Variants in PRKAA1 observed in about 807,000 individuals in gnomAD.
PRKAA1 encodes the protein protein kinase AMP-activated catalytic subunit alpha 1, also known as 5'-AMP-activated protein kinase catalytic subunit alpha-1.
Under a neutral mutation model 56.9 loss-of-function variants are expected in PRKAA1, and 23 were observed. The ratio of observed to expected loss-of-function variants is 0.40; its 90% CI spans 0.29 to 0.57. PRKAA1 has a LOEUF of 0.57. PRKAA1 is among the 20% of genes least tolerant of loss of function. PRKAA1 has a pLI of 0.39. For missense variants in PRKAA1, 413 were observed against 679.7 expected (o/e 0.61, Z 4.36); for synonymous variants, 226 against 227.0 (o/e 1.00, Z 0.04).
At chr5:40,768,644 A>G in intron 5 of PRKAA1, 1 of 1,155,336 alleles carries the variant, frequency 8.7e-7, no homozygotes. Context: ...ACAAGCTTAT[A>G]AAAATAGAAA....
At chr5:40,772,355 A>C (rs765824746) in intron 3 of PRKAA1, among the ~76,000 whole-genome samples, 2 of 152,190 alleles carry the variant, frequency 1.3e-5, no homozygotes, top group Non-Finnish European at 2.9e-5. Context: ...TACTGTTTTG[A>C]AGAAAAATAA....
At position 40,797,586 on chromosome 5, in the gene PRKAA1, C is replaced by G. The variant is rs1297160033; in HGVS notation, c.127+477G>C. On this transcript the variant is annotated intron_variant, in intron 1 of 8. Coordinates refer to ENST00000397128, the MANE Select transcript of PRKAA1 (RefSeq NM_006251.6). ...TTCGCACTCGGGAAACAGCAGGGGC[C>G]GGTAAATCGACAGCCTCCTACAGAG... Among the ~76,000 whole-genome samples the G allele has an allele frequency of 2.0e-5, 3 of 152,332 alleles. No homozygotes were observed. The South Asian group carries it at 6.2e-4, about 32-fold the overall frequency.
In PRKAA1 at chr5:40,777,509, C is replaced by T; in HGVS notation, c.205G>A (p.Val69Ile). 2 of 1,613,746 alleles carry T rather than the reference C, an allele frequency of 1.2e-6. No homozygotes were observed. Among genetic ancestry groups the T allele is most frequent in the East Asian group, 2.2e-5 (1 of 44,886 alleles). ...NRQKIRSLDVVGKIRREIQNL... is the reference protein window; with the variant it reads ...NRQKIRSLDVIGKIRREIQNL... ...TGAATTTCTCTGCGGATTTTTCCTA[C>T]CACATCAAGGCTCCGAATCTTCTGT... Residue 69 changes from valine to isoleucine, a missense_variant, in exon 2 of 9, where the codon GTA becomes ATA. Physicochemically the swap from Val to Ile is conservative, Grantham distance 29. Around this residue, in one of 9 missense-constraint regions of PRKAA1, gnomAD observed 16 missense variants for 30.9 expected, o/e 0.52. Coordinates refer to ENST00000397128, the MANE Select transcript of PRKAA1 (RefSeq NM_006251.6).
intron 6 of PRKAA1, among the ~76,000 whole-genome samples, chr5:40,767,169 C>G (rs576098801): frequency 1.4e-3 from 209 of 152,306 alleles, no homozygotes; most frequent in African/African-American, 4.9e-3. Context: ...CAGCACCAAT[C>G]TTTCATTAGC....
chr5:40,767,703 A>T lies in PRKAA1; in HGVS notation c.597-13T>A. 1 of 1,565,240 alleles carries T rather than the reference A, an allele frequency of 6.4e-7. No individual in the cohort carries two copies. On this transcript the variant is annotated splice_polypyrimidine_tract_variant and intron_variant, in intron 5 of 8. Transcript: ENST00000397128. ...GCCTGCATACAATCTGTAACAGGAA[A>T]TAACAATTGGATTAAAGAATCATTT...
Position 40,769,878 on chromosome 5 carries a change from TAAAAAAAAAA to T in PRKAA1, c.509-385_509-376del, listed in dbSNP as rs3071208. Among the ~76,000 whole-genome samples the T allele has an allele frequency of 8.5e-3, 939 of 109,920 alleles. 6 individuals are homozygous for T. The highest frequency in any genetic ancestry group is 0.029 in the African/African-American group (839 of 28,566). The allele number at this position is 109,920 out of a possible 152,430, so 72.1% of individuals were successfully genotyped here. A position where few individuals can be genotyped will look rare whatever the true frequency, so the allele number is the denominator to read the frequency against. ...TCCTATTAAGCCTGTTCTGATTCTTTAAAAAAAAAAAAAAAAAAAAAAACAGTAATTTTGA... is the reference window on the plus strand; with the variant it reads ...TCCTATTAAGCCTGTTCTGATTCTTTAAAAAAAAAAAAACAGTAATTTTGA... On this transcript the variant is annotated intron_variant, in intron 4 of 8. Coordinates refer to ENST00000397128, the MANE Select transcript of PRKAA1 (RefSeq NM_006251.6).
intron 5 of PRKAA1, chr5:40,768,401 CTTT>C: frequency 2.2e-6 from 2 of 912,900 alleles, no homozygotes; most frequent in Admixed American, 6.2e-5. Flanking sequence ...TATAACATTT[CTTT>C]TTATTTATTT....
intron 1 of PRKAA1, 145 bp from the exon 2 acceptor site, chr5:40,777,731 C>G (rs920567850): frequency 1.5e-6 from 1 of 681,542 alleles, no homozygotes; most frequent in East Asian, 3.2e-5. Flanking sequence ...GTCAGGAGTT[C>G]GAAACCAATC....
At position 40,759,489 on chromosome 5, in the gene PRKAA1, T is replaced by C. The variant is rs190901221; in HGVS notation, c.*3289A>G. The stretch of plus-strand genomic sequence containing the variant: ...TCAAAATATACATGAACCACAAATA[T>C]TAACTTCTACCTACCAACAATTTAC... On this transcript the variant is annotated 3_prime_UTR_variant, in exon 9 of 9. Coordinates refer to ENST00000397128, the MANE Select transcript of PRKAA1 (RefSeq NM_006251.6). 77 of 152,426 alleles carry C rather than the reference T, an allele frequency of 5.1e-4. No homozygotes were observed. Among genetic ancestry groups the C allele is most frequent in the African/African-American group, 1.8e-3 (75 of 41,570 alleles). 9.4% of individuals were successfully genotyped at this position (152,426 alleles called of 1,614,324 possible).
At position 40,762,849 on chromosome 5, in the gene PRKAA1, G is replaced by A; in HGVS notation, c.1609C>T (p.Pro537Ser). 1 of 1,614,084 alleles carries A rather than the reference G, an allele frequency of 6.2e-7. No individual in the cohort carries two copies. Among genetic ancestry groups the A allele is most frequent in the East Asian group, 2.2e-5 (1 of 44,876 alleles). The part of the protein sequence containing the change: ...SLDSSPVDLT[P>S]RPGSHTIEFF... ...TCTATTGTGTGACTTCCAGGTCTTGGAGTTAGGTCAACAGGAGAAGAGTCA... is the reference window on the plus strand; with the variant it reads ...TCTATTGTGTGACTTCCAGGTCTTGAAGTTAGGTCAACAGGAGAAGAGTCA... The change falls in exon 9 of 9, where the codon CCA (proline) becomes TCA (serine). Residue 537 changes from proline (P) to serine (S), a missense_variant. Coordinates refer to ENST00000397128, the MANE Select transcript of PRKAA1 (RefSeq NM_006251.6).
At chr5:40,785,192 A>AT (rs1343875182) in intron 1 of PRKAA1, among the ~76,000 whole-genome samples, 2 of 152,126 alleles carry the variant, frequency 1.3e-5, no homozygotes, top group South Asian at 2.1e-4. Flanking sequence ...AACCTGCCTC[A>AT]TATCAATTTC....
chr5:40,785,839 C>CAG (rs10594859), intron 1 of PRKAA1, among the ~76,000 whole-genome samples: 1,566 of 58,392 alleles, frequency 0.027, 22 homozygotes, highest in East Asian at 0.18. Context: ...CACACACACA[C>CAG]AGAGAGAGAG....
chr5:40,769,783 T>A (rs1743634224), intron 4 of PRKAA1, among the ~76,000 whole-genome samples: 1 of 151,356 alleles, frequency 6.6e-6, no homozygotes, highest in Non-Finnish European at 1.5e-5. Flanking sequence ...CATGTTTAAG[T>A]TTTATTAATA....
intron 5 of PRKAA1, 137 bp downstream of exon 5, chr5:40,769,279 A>G: frequency 1.5e-6 from 1 of 675,674 alleles, no homozygotes; most frequent in South Asian, 2.3e-5. Context: ...ACCCTCATTC[A>G]CATATAAATG....
At chr5:40,796,677 C>T (rs1162725467) in intron 1 of PRKAA1, among the ~76,000 whole-genome samples, 1 of 152,154 alleles carries the variant, frequency 6.6e-6, no homozygotes, top group Non-Finnish European at 1.5e-5. Context: ...CAGTTGCTTC[C>T]CTGTGGGATA....
rs546259444 is a variant in PRKAA1 at position 40,760,794 on chromosome 5, T to C, written c.*1984A>G. The C allele has an allele frequency of 2.0e-5, 3 of 152,834 alleles. No individual in the cohort carries two copies. Among genetic ancestry groups the C allele is most frequent in the Admixed American group, 6.5e-5 (1 of 15,292 alleles). The allele number at this position is 152,834 out of a possible 1,614,324, so 9.5% of individuals were successfully genotyped here. A position where few individuals can be genotyped will look rare whatever the true frequency, so the allele number is the denominator to read the frequency against. ...ACATTTGAGTTCATTATCATCTGGT[T>C]ACATAAGTGCTCACTGTATTTGCCA... is the stretch of plus-strand genomic sequence containing the variant. On this transcript the variant is annotated 3_prime_UTR_variant, in exon 9 of 9. Coordinates refer to ENST00000397128, the MANE Select transcript of PRKAA1 (RefSeq NM_006251.6).
intron 1 of PRKAA1, among the ~76,000 whole-genome samples, chr5:40,779,968 T>C (rs1427556143): frequency 6.6e-6 from 1 of 152,136 alleles, no homozygotes; most frequent in Non-Finnish European, 1.5e-5. Flanking sequence ...GTATTAGAAA[T>C]GATGCAAAGA....
Position 40,760,200 on chromosome 5 carries a change from T to C in PRKAA1, c.*2578A>G, listed in dbSNP as rs556941253. ...AAATTGTGAAAATTCTGTTGCAACC[T>C]TGACACACTTAACCAAAGGTTGTCA... On this transcript the variant is annotated 3_prime_UTR_variant, in exon 9 of 9. Transcript: ENST00000397128. The C allele has an allele frequency of 6.5e-6, 1 of 152,886 alleles. No homozygotes were observed. The highest frequency in any genetic ancestry group is 2.4e-5 in the African/African-American group (1 of 41,580). The allele number at this position is 152,886 out of a possible 1,614,324, so 9.5% of individuals were successfully genotyped here.
chr5:40,797,911 C>A, intron 1 of PRKAA1, 152 bp downstream of exon 1: 2 of 1,334,102 alleles, frequency 1.5e-6, no homozygotes, highest in South Asian at 2.8e-5. Flanking sequence ...AGCCCCGCGG[C>A]GGCTGGGGAG....
Sources: allele counts gnomAD v4.1 joint callset (sites outside exome capture counted in the v4.1 genomes callset), GRCh38; gene constraint gnomAD v4.1.1; regional missense constraint gnomAD v4.1.1; transcripts MANE v1.5; gene names NCBI Gene and HGNC (gene_info 2026-07-23, HGNC 2026-07-21).